SNTB2: variants seen among roughly 807,000 people sequenced by gnomAD.
SNTB2 encodes syntrophin beta 2, also known as beta-2-syntrophin.
In SNTB2, 34 loss-of-function variants were observed where a neutral mutation model predicts 46.2. The ratio of observed to expected loss-of-function variants is 0.74; its 90% CI spans 0.56 to 0.98. SNTB2 has a LOEUF of 0.98. SNTB2 is among the 50% of genes least tolerant of loss of function. The pLI, the probability that SNTB2 is intolerant of heterozygous loss-of-function variation, is 0.00. For synonymous variants in SNTB2, 290 were observed against 312.6 expected (o/e 0.93, Z 0.76); for missense variants, 603 against 731.4 (o/e 0.82, Z 2.02).
intron 1 of SNTB2, among the ~76,000 whole-genome samples, chr16:69,213,730 C>A (rs971416982): frequency 4.0e-5 from 6 of 151,140 alleles, no homozygotes; most frequent in Non-Finnish European, 8.8e-5. Context: ...GAACTCCTGA[C>A]CTTGTGTTCC....
intron 1 of SNTB2, among the ~76,000 whole-genome samples, chr16:69,214,872 C>G (rs1964331395): frequency 1.3e-5 from 2 of 151,120 alleles, no homozygotes; most frequent in South Asian, 2.1e-4. Flanking sequence ...GACATATGGT[C>G]TCGTTCTGTC....
chr16:69,214,662 G>C (rs961541571), intron 1 of SNTB2, among the ~76,000 whole-genome samples: 1 of 151,246 alleles, frequency 6.6e-6, no homozygotes, highest in Admixed American at 6.6e-5. Context: ...GAGTAGCTGG[G>C]ATTACAGGCG....
rs551962495 is a variant in SNTB2, at chr16:69,224,971, G to T, written c.581-20631G>T. ...TAGTTGATTGCTATTAACTCTGACG[G>T]TTCTGAGTTTACTACAGTGGAATTC... is the stretch of plus-strand genomic sequence containing the variant. On this transcript the variant is annotated intron_variant, in intron 1 of 6. Coordinates refer to ENST00000336278, the MANE Select transcript of SNTB2 (RefSeq NM_006750.4). 2.6e-5 allele frequency among the ~76,000 whole-genome samples: 4 copies of T among 152,282 alleles called. No homozygotes were observed. The South Asian group carries it at 8.3e-4, about 32-fold the overall frequency.
At chr16:69,227,841 ATTTTTTT>A (rs60387965) in intron 1 of SNTB2, among the ~76,000 whole-genome samples, 15,517 of 115,898 alleles carry the variant, frequency 0.13, 1,075 homozygotes, top group Middle Eastern at 0.26. Context: ...GTTTCTCTGG[ATTTTTTT>A]TTTTTTTTTT....
At chr16:69,258,372 G>C (rs1409402237) in intron 2 of SNTB2, among the ~76,000 whole-genome samples, 4 of 151,864 alleles carry the variant, frequency 2.6e-5, no homozygotes, top group Admixed American at 2.6e-4. Context: ...ATATTCAATA[G>C]ATTGCTTTAT....
Position 69,305,548 on chromosome 16 carries a change from A to G in SNTB2, c.*4624A>G, listed in dbSNP as rs746261965. The G allele has an allele frequency of 8.5e-5, 13 of 152,222 alleles. No individual in the cohort carries two copies. The highest frequency in any genetic ancestry group is 3.1e-4 in the African/African-American group (13 of 41,466). 9.4% of individuals were successfully genotyped at this position (152,222 alleles called of 1,614,324 possible). Reference sequence around the variant, plus strand: ...AAAATGCCAGATCTCTTTGGTCTCAAAGCAAATTGCTCTGATCAGATCAAA... The same window carrying G: ...AAAATGCCAGATCTCTTTGGTCTCAGAGCAAATTGCTCTGATCAGATCAAA... On this transcript the variant is annotated 3_prime_UTR_variant, in exon 7 of 7. Transcript: ENST00000336278.
At chr16:69,290,335 A>T (rs1342312144) in intron 5 of SNTB2, among the ~76,000 whole-genome samples, 1 of 152,200 alleles carries the variant, frequency 6.6e-6, no homozygotes, top group East Asian at 1.9e-4. Flanking sequence ...CATACCAATT[A>T]TTTAAGCCAT....
intron 1 of SNTB2, among the ~76,000 whole-genome samples, chr16:69,212,250 A>G (rs1000932556): frequency 7.9e-5 from 12 of 152,114 alleles, no homozygotes; most frequent in Non-Finnish European, 1.6e-4. Flanking sequence ...TTAATGATCA[A>G]GGTGTCCTAT....
At chr16:69,268,074 A>T (rs1964903333) in intron 3 of SNTB2, among the ~76,000 whole-genome samples, 1 of 152,216 alleles carries the variant, frequency 6.6e-6, no homozygotes, top group African/African-American at 2.4e-5. Flanking sequence ...ATGGATAAAT[A>T]GTAGTTGTTT....
rs183963480 is a variant in SNTB2, at chr16:69,286,683, C to T, written c.1345+2439C>T. ...CTGGGTGATGGGAGCCAGAACCTGT[C>T]TCAAAATAAATAAATAAATTTAATT... On this transcript the variant is annotated intron_variant, in intron 5 of 6. Coordinates refer to ENST00000336278, the MANE Select transcript of SNTB2 (RefSeq NM_006750.4). Among the ~76,000 whole-genome samples the T allele has an allele frequency of 2.5e-4, 38 of 149,066 alleles. 1 individual carries two copies. In the East Asian group the frequency reaches 6.1e-3, roughly 24 times the overall value.
intron 2 of SNTB2, among the ~76,000 whole-genome samples, chr16:69,253,258 G>T (rs542223961): frequency 1.3e-5 from 2 of 151,944 alleles, no homozygotes; most frequent in Non-Finnish European, 2.9e-5. Context: ...TAGACTCATC[G>T]GTCCTATTTT....
At chr16:69,274,849 A>G (rs545127832) in intron 4 of SNTB2, among the ~76,000 whole-genome samples, 22 of 152,294 alleles carry the variant, frequency 1.4e-4, no homozygotes, top group African/African-American at 5.3e-4. Flanking sequence ...ACCAATTTTT[A>G]CAGATAGTCA....
chr16:69,244,448 A>G (rs1964649623), intron 1 of SNTB2, among the ~76,000 whole-genome samples: 2 of 152,164 alleles, frequency 1.3e-5, no homozygotes, highest in Non-Finnish European at 2.9e-5. Context: ...AAAACCTTTT[A>G]TACCTCTTGA....
chr16:69,223,266 C>T (rs1964425127), intron 1 of SNTB2, among the ~76,000 whole-genome samples: 2 of 149,766 alleles, frequency 1.3e-5, no homozygotes, highest in South Asian at 2.1e-4. Context: ...GATCTTGGCT[C>T]ACTGCAACCT....
At chr16:69,187,869 T>G in intron 1 of SNTB2, 123 bp downstream of exon 1, 13 of 769,506 alleles carry the variant, frequency 1.7e-5, no homozygotes, top group Non-Finnish European at 2.4e-5. Flanking sequence ...CAAACCCGGG[T>G]TTCTGGAGCT....
chr16:69,237,694 C>G (rs968582808), intron 1 of SNTB2, among the ~76,000 whole-genome samples: 1 of 151,184 alleles, frequency 6.6e-6, no homozygotes, highest in African/African-American at 2.4e-5. Context: ...CCTCCGCCTC[C>G]CCGGTTCAAG....
At chr16:69,292,374 A>AT (rs1257555495) in intron 5 of SNTB2, among the ~76,000 whole-genome samples, 1 of 40,700 alleles carries the variant, frequency 2.5e-5, no homozygotes, top group East Asian at 9.1e-4. Context: ...ATATATATAT[A>AT]TATATTATAT....
chr16:69,290,401 T>C (rs1330191390), intron 5 of SNTB2, among the ~76,000 whole-genome samples: 2 of 152,218 alleles, frequency 1.3e-5, no homozygotes, highest in Admixed American at 6.6e-5. Flanking sequence ...GTCTGTAGTT[T>C]TGATGATATG....
In SNTB2 at chr16:69,234,070, G is replaced by A. The variant is rs550355654; in HGVS notation, c.581-11532G>A. Among the ~76,000 whole-genome samples the A allele has an allele frequency of 8.6e-5, 13 of 151,988 alleles. No individual in the cohort carries two copies. In the South Asian group the frequency reaches 1.9e-3, roughly 22 times the overall value. ...AACAAGGGCCAGGCATGGTGACTGCGCCTATAATCCCAGCACTTTGGTAGG... is the reference window on the plus strand; with the variant it reads ...AACAAGGGCCAGGCATGGTGACTGCACCTATAATCCCAGCACTTTGGTAGG... On this transcript the variant is annotated intron_variant, in intron 1 of 6. Transcript: ENST00000336278.
Sources: gnomAD v4.1 joint callset for allele counts (sites outside exome capture counted in the v4.1 genomes callset) on GRCh38, gnomAD v4.1.1 for gene constraint, MANE v1.5 for transcripts, NCBI Gene and HGNC (gene_info 2026-07-23, HGNC 2026-07-21) for gene names.